PVT1: variants seen among roughly 807,000 people sequenced by gnomAD.
PVT1 encodes the protein CXCR4/PVT1 fusion.
At chr8:128,036,381 C>G (rs1003736126) in intron 4 of PVT1, among the ~76,000 whole-genome samples, 1 of 152,208 alleles carries the variant, frequency 6.6e-6, no homozygotes, top group Non-Finnish European at 1.5e-5. Flanking sequence ...CCTCTTGTAC[C>G]TCGTCATCGA....
chr8:128,064,552 C>T (rs1222171532), intron 4 of PVT1, among the ~76,000 whole-genome samples: 1 of 152,178 alleles, frequency 6.6e-6, no homozygotes, highest in Non-Finnish European at 1.5e-5. Context: ...CTGGGTTCCC[C>T]CAACAGATTT....
rs1293036762 is a variant in PVT1 at position 127,997,044 on chromosome 8, G to GTTTTTTTTTTTTT, written n.912+7765_912+7766insTTTTTTTTTTTTT. Among the ~76,000 whole-genome samples, 4 of 81,592 alleles carry GTTTTTTTTTTTTT rather than the reference G, an allele frequency of 4.9e-5. 1 individual carries two copies. Among genetic ancestry groups the GTTTTTTTTTTTTT allele is most frequent in the Admixed American group, 3.3e-4 (2 of 6,048 alleles). The allele number at this position is 81,592 out of a possible 152,430, so 53.5% of individuals were successfully genotyped here. A position where few individuals can be genotyped will look rare whatever the true frequency, so the allele number is the denominator to read the frequency against. ...GAACATTCACTGGTCATTTGCTTTCGTTTTTTTTTTTTGTTTGTTTGTTTT... is the reference window on the plus strand; with the variant it reads ...GAACATTCACTGGTCATTTGCTTTCGTTTTTTTTTTTTTTTTTTTTTTTTTGTTTGTTTGTTTT... On this transcript the variant is annotated intron_variant and non_coding_transcript_variant, in intron 4 of 10. Transcript: ENST00000651587.
chr8:127,812,428 G>A (rs1814608221), intron 2 of PVT1, among the ~76,000 whole-genome samples: 1 of 151,846 alleles, frequency 6.6e-6, no homozygotes, highest in African/African-American at 2.4e-5. Context: ...TTTTTAATTA[G>A]CCAGTGGCAT....
At chr8:127,926,955 T>C (rs1465589201) in intron 3 of PVT1, among the ~76,000 whole-genome samples, 1 of 152,192 alleles carries the variant, frequency 6.6e-6, no homozygotes, top group Admixed American at 6.5e-5. Context: ...CTTGGCACTG[T>C]TCCCCCCTTC....
At chr8:127,965,481 C>T (rs867374191) in intron 3 of PVT1, among the ~76,000 whole-genome samples, 7 of 152,162 alleles carry the variant, frequency 4.6e-5, no homozygotes, top group South Asian at 2.1e-4. Flanking sequence ...TAGGCTCTGG[C>T]GTTACATCTG....
chr8:128,045,248 G>T (rs1563674303), intron 4 of PVT1, among the ~76,000 whole-genome samples: 1 of 152,102 alleles, frequency 6.6e-6, no homozygotes, highest in Non-Finnish European at 1.5e-5. Flanking sequence ...CTTTCATGTG[G>T]CCGACCAACT....
intron 4 of PVT1, among the ~76,000 whole-genome samples, chr8:128,045,516 A>G (rs1301197662): frequency 1.3e-5 from 2 of 152,238 alleles, no homozygotes; most frequent in African/African-American, 4.8e-5. Flanking sequence ...GTATTAGTGA[A>G]AGAGCCTAGG....
chr8:127,906,403 A>G (rs1157090941), intron 3 of PVT1, among the ~76,000 whole-genome samples: 1 of 152,182 alleles, frequency 6.6e-6, no homozygotes, highest in Non-Finnish European at 1.5e-5. Flanking sequence ...TTGACATTGC[A>G]TTTTGAATTC....
At chr8:127,813,365 G>T (rs1490054458) in intron 2 of PVT1, among the ~76,000 whole-genome samples, 4 of 151,714 alleles carry the variant, frequency 2.6e-5, no homozygotes, top group African/African-American at 9.7e-5. Flanking sequence ...AAACTTGTAG[G>T]TCTCTTACCC....
chr8:127,912,853 G>A (rs1377568325), intron 3 of PVT1, among the ~76,000 whole-genome samples: 2 of 152,084 alleles, frequency 1.3e-5, no homozygotes, highest in Non-Finnish European at 2.9e-5. Context: ...CCTGCCACCA[G>A]GCCAGACGAA....
chr8:127,925,078 G>A (rs937372480), intron 3 of PVT1, among the ~76,000 whole-genome samples: 5 of 152,114 alleles, frequency 3.3e-5, no homozygotes, highest in African/African-American at 9.7e-5. Flanking sequence ...AATTCTCTGC[G>A]TGCTAAGAAA....
intron 3 of PVT1, among the ~76,000 whole-genome samples, chr8:127,909,402 C>T (rs1365954553): frequency 6.6e-6 from 1 of 152,164 alleles, no homozygotes; most frequent in Non-Finnish European, 1.5e-5. Context: ...AGAGAGAGGG[C>T]CTGGGTCTGA....
At chr8:127,927,101 C>T (rs1019017246) in intron 3 of PVT1, among the ~76,000 whole-genome samples, 5 of 152,174 alleles carry the variant, frequency 3.3e-5, no homozygotes, top group East Asian at 1.9e-4. Flanking sequence ...GGTTCAAGTC[C>T]GGGCCCTGTT....
intron 2 of PVT1, among the ~76,000 whole-genome samples, chr8:127,856,675 T>C (rs1234163996): frequency 2.0e-5 from 3 of 152,206 alleles, no homozygotes; most frequent in Non-Finnish European, 4.4e-5. Context: ...GAATTCTTGT[T>C]GAGGACTAAA....
chr8:127,891,689 A>T (rs1401883775), intron 3 of PVT1, among the ~76,000 whole-genome samples: 1 of 152,118 alleles, frequency 6.6e-6, no homozygotes, highest in Non-Finnish European at 1.5e-5. Flanking sequence ...GCTTTTGGGG[A>T]TGGTGGACAT....
chr8:127,798,379 C>T (rs1220780711), intron 2 of PVT1, among the ~76,000 whole-genome samples: 1 of 151,956 alleles, frequency 6.6e-6, no homozygotes, highest in African/African-American at 2.4e-5. Flanking sequence ...CCACCCTCAC[C>T]GTGCACCTTA....
intron 5 of PVT1, among the ~76,000 whole-genome samples, chr8:128,094,729 G>A (rs528917605): frequency 5.9e-5 from 9 of 152,258 alleles, no homozygotes; most frequent in African/African-American, 2.2e-4. Context: ...TTTCACAGAG[G>A]GCTCTTTTAT....
intron 2 of PVT1, among the ~76,000 whole-genome samples, chr8:127,884,901 A>G (rs1048876837): frequency 6.6e-6 from 1 of 152,214 alleles, no homozygotes; most frequent in Non-Finnish European, 1.5e-5. Context: ...CCAACAGACC[A>G]TGTCATAATT....
intron 3 of PVT1, among the ~76,000 whole-genome samples, chr8:127,972,877 T>C (rs1393737193): frequency 6.6e-6 from 1 of 152,170 alleles, no homozygotes; most frequent in African/African-American, 2.4e-5. Context: ...GTCAGCCAAG[T>C]TTGAGCTGTA....
Sources: allele counts gnomAD v4.1 joint callset (sites outside exome capture counted in the v4.1 genomes callset), GRCh38; gene constraint gnomAD v4.1.1; transcripts MANE v1.5; gene names NCBI Gene and HGNC (gene_info 2026-07-23, HGNC 2026-07-21).